The following HLA-DQA1 variants were observed in gnomAD, a reference collection of about 807,000 sequenced individuals.
HLA-DQA1 encodes major histocompatibility complex, class II, DQ alpha 1, also known as HLA class II histocompatibility antigen, DQ alpha 1 chain.
HLA-DQA1 carries 10 observed loss-of-function variants against 20.7 expected under a neutral mutation model. The ratio of observed to expected loss-of-function variants is 0.48; its 90% CI spans 0.30 to 0.82. The LOEUF (loss-of-function observed/expected upper bound fraction) is 0.82, where lower values mean the gene tolerates loss of function less well. Among genes scored for constraint, HLA-DQA1 ranks in the 40% least tolerant of loss-of-function variants. The pLI is 0.07. For missense variants in HLA-DQA1, 127 were observed against 293.0 expected, an observed-to-expected ratio of 0.43 and a Z score of 4.14; for synonymous variants, 39 against 109.2, an observed-to-expected ratio of 0.36 and a Z score of 4.01.
chr6:32,651,588 CAAAA>C (rs70996710), downstream of HLA-DQA1, among the ~76,000 whole-genome samples: 2 of 15,286 alleles, frequency 1.3e-4, no homozygotes, highest in African/African-American at 1.9e-4. Flanking sequence ...CGTCTCAAAG[CAAAA>C]AAAAAAAAAA....
At chr6:32,643,728 C>CCCT (rs1781674043), downstream of HLA-DQA1, 1 of 88,184 alleles carries the variant, frequency 1.1e-5, no homozygotes, top group Non-Finnish European at 2.5e-5. Flanking sequence ...CCTTCCTCTT[C>CCCT]CCTTGTCACC....
chr6:32,648,381 A>C (rs1405546871), downstream of HLA-DQA1, among the ~76,000 whole-genome samples: 1 of 96,854 alleles, frequency 1.0e-5, no homozygotes, highest in East Asian at 3.3e-4. Flanking sequence ...GAAAATCCTC[A>C]ATAAAATACT....
At chr6:32,654,538 T>TTA in the HLA-DQA1 span, among the ~76,000 whole-genome samples, 4,409 of 67,114 alleles carry the variant, frequency 0.066, 407 homozygotes, top group Middle Eastern at 0.092. Context: ...CATCTCTAGA[T>TTA]TACTTATAAT....
Position 32,637,494 on chromosome 6 carries a change from C to T in HLA-DQA1, c.36C>T (p.Leu12=), listed in dbSNP as rs1047993. 0.067 allele frequency: 74,395 copies of T among 1,112,814 alleles called. 17,023 individuals carry two copies. The highest frequency in any genetic ancestry group is 0.25 in the Admixed American group (9,777 of 39,156). The allele number at this position is 1,112,814 out of a possible 1,614,324, so 68.9% of individuals were successfully genotyped here. A position where few individuals can be genotyped will look rare whatever the true frequency, so the allele number is the denominator to read the frequency against. The change falls in exon 1 of 5, where the codon CTC becomes CTT. Residue 12 remains leucine, a synonymous_variant. Transcript: ENST00000343139. ...ACAAAGCTCTGCTGCTGGGGGCCCTCGCTCTGACCACCGTGATGAGCCCCT... is the reference window on the plus strand; with the variant it reads ...ACAAAGCTCTGCTGCTGGGGGCCCTTGCTCTGACCACCGTGATGAGCCCCT... ...ILNKALLLGA[L]ALTTVMSPCG...
Position 32,643,529 on chromosome 6 carries a change from GC to G in HLA-DQA1, c.*601del, listed in dbSNP as rs1781652375. On this transcript the variant is annotated 3_prime_UTR_variant, in exon 5 of 5. Coordinates refer to ENST00000343139, the MANE Select transcript of HLA-DQA1 (RefSeq NM_002122.5). ...ACAATGAAATTAATGGATACCGTCT[GC>G]CCTTGGCCCAGAATTGTTATAGCAA... 1 of 167,238 alleles carries G rather than the reference GC, an allele frequency of 6.0e-6. No individual in the cohort carries two copies. The highest frequency in any genetic ancestry group is 1.3e-4 in the South Asian group (1 of 7,486). The allele number at this position is 167,238 out of a possible 1,614,324, so 10.4% of individuals were successfully genotyped here.
rs893054040 is a variant in HLA-DQA1 at position 32,643,660 on chromosome 6, C to A, written c.*729C>A. On this transcript the variant is annotated 3_prime_UTR_variant, in exon 5 of 5. Transcript: ENST00000343139. ...AAGGAAATTTGAATCTCAAAAATATCAAAAGTAAAAATGTATTCTCAAAAC... is the reference window on the plus strand; with the variant it reads ...AAGGAAATTTGAATCTCAAAAATATAAAAAGTAAAAATGTATTCTCAAAAC... The A allele has an allele frequency of 6.7e-6, 1 of 148,662 alleles. No homozygotes were observed. Among genetic ancestry groups the A allele is most frequent in the Non-Finnish European group, 1.5e-5 (1 of 67,378 alleles). The allele number at this position is 148,662 out of a possible 1,614,324, so 9.2% of individuals were successfully genotyped here.
At chr6:32,644,313 G>A (rs1327507934), downstream of HLA-DQA1, 2 of 152,100 alleles carry the variant, frequency 1.3e-5, no homozygotes, top group African/African-American at 4.8e-5. Flanking sequence ...TTTAATTGGA[G>A]AAAAAATACA....
chr6:32,640,373 G>A (rs9272630), intron 1 of HLA-DQA1, among the ~76,000 whole-genome samples: 3,584 of 83,380 alleles, frequency 0.043, 299 homozygotes, highest in Middle Eastern at 0.089. Flanking sequence ...GGAAAGATAC[G>A]ATGGTAAAAG....
the HLA-DQA1 span, among the ~76,000 whole-genome samples, chr6:32,652,142 C>T: frequency 4.5e-4 from 42 of 92,718 alleles, 15 homozygotes; most frequent in African/African-American, 1.6e-3. Flanking sequence ...ATTAGCTGGG[C>T]ACGGTGGCGG....
intron 1 of HLA-DQA1, among the ~76,000 whole-genome samples, chr6:32,637,797 T>C (rs563487009): frequency 8.6e-6 from 1 of 115,994 alleles, no homozygotes; most frequent in Non-Finnish European, 1.9e-5. Context: ...GAGGTCTCTA[T>C]GTCGTTCCAT....
chr6:32,652,715 G>T, the HLA-DQA1 span, among the ~76,000 whole-genome samples: 1 of 108,492 alleles, frequency 9.2e-6, no homozygotes, highest in Non-Finnish European at 2.0e-5. Context: ...TAAAGTGGAG[G>T]GGAAAGGAAG....
Position 32,643,279 on chromosome 6 carries a change from C to T in HLA-DQA1, c.*348C>T, listed in dbSNP as rs9272938. 853 of 289,158 alleles carry T rather than the reference C, an allele frequency of 2.9e-3. 14 individuals carry two copies. The highest frequency in any genetic ancestry group is 5.3e-3 in the Admixed American group (97 of 18,312). 17.9% of individuals were successfully genotyped at this position (289,158 alleles called of 1,614,324 possible). A position where few individuals can be genotyped will look rare whatever the true frequency, so the allele number is the denominator to read the frequency against. On this transcript the variant is annotated 3_prime_UTR_variant, in exon 5 of 5. Coordinates refer to ENST00000343139, the MANE Select transcript of HLA-DQA1 (RefSeq NM_002122.5). ...TTATGAGATCTATGTCAAATTTTTC[C>T]ATCTTTCATCCAGGGCTGACTGAAA...
rs13379 is a variant in HLA-DQA1, at chr6:32,642,752, A to G, written c.756A>G (p.Gln252=). The change falls in exon 4 of 5, where the codon CAA becomes CAG. Residue 252 remains glutamine (Q), a synonymous_variant. Coordinates refer to ENST00000343139, the MANE Select transcript of HLA-DQA1 (RefSeq NM_002122.5). ...GLRSVGASRH[Q]GPL Reference sequence around the variant, plus strand: ...GTTCAGTTGGTGCTTCCAGACACCAAGGGCCATTGTGAATCCCATCCTGGA... The same window carrying G: ...GTTCAGTTGGTGCTTCCAGACACCAGGGGCCATTGTGAATCCCATCCTGGA... The G allele has an allele frequency of 0.024, 27,978 of 1,157,158 alleles. 8,778 individuals are homozygous for G. Among genetic ancestry groups the G allele is most frequent in the Middle Eastern group, 0.072 (275 of 3,814 alleles). The allele number at this position is 1,157,158 out of a possible 1,614,324, so 71.7% of individuals were successfully genotyped here. A position where few individuals can be genotyped will look rare whatever the true frequency, so the allele number is the denominator to read the frequency against.
chr6:32,647,925 A>C (rs17612625), downstream of HLA-DQA1, among the ~76,000 whole-genome samples: 85,175 of 149,906 alleles, frequency 0.57, 24,685 homozygotes, highest in Middle Eastern at 0.7. Context: ...CTTCATAGAA[A>C]TTACACTGTA....
At chr6:32,637,832 G>A (rs9272461) in intron 1 of HLA-DQA1, among the ~76,000 whole-genome samples, 15,016 of 112,044 alleles carry the variant, frequency 0.13, 2,071 homozygotes, top group East Asian at 0.28. Flanking sequence ...AAATTAGTGA[G>A]GTTTCCATCA....
At chr6:32,652,676 C>T in the HLA-DQA1 span, among the ~76,000 whole-genome samples, 1 of 141,294 alleles carries the variant, frequency 7.1e-6, no homozygotes, top group Non-Finnish European at 1.6e-5. Context: ...AAAAAGGGTG[C>T]ATGTACCTCA....
At chr6:32,652,377 ACC>A in the HLA-DQA1 span, among the ~76,000 whole-genome samples, 5 of 99,366 alleles carry the variant, frequency 5.0e-5, 1 homozygote, top group Non-Finnish European at 9.1e-5. Flanking sequence ...AATTTTACCT[ACC>A]ACACAGTTTT....
chr6:32,650,892 G>C (rs1405817659), downstream of HLA-DQA1, among the ~76,000 whole-genome samples: 2 of 35,358 alleles, frequency 5.7e-5, 1 homozygote, highest in South Asian at 2.9e-3. Flanking sequence ...TAATAATAAA[G>C]AATTCTTTTT....
At chr6:32,643,987 T>C (rs36214157), downstream of HLA-DQA1, 7,407 of 134,146 alleles carry the variant, frequency 0.055, 281 homozygotes, top group South Asian at 0.14. Flanking sequence ...CACTCTGGCA[T>C]GAAGGAGACA....
Sources: gnomAD v4.1 joint callset for allele counts (sites outside exome capture counted in the v4.1 genomes callset) on GRCh38, gnomAD v4.1.1 for gene constraint, MANE v1.5 for transcripts, NCBI Gene and HGNC (gene_info 2026-07-23, HGNC 2026-07-21) for gene names.